CATSPER3: variants seen among roughly 807,000 people sequenced by gnomAD.
The protein encoded by CATSPER3 is cation channel sperm associated 3, also known as cation channel sperm-associated protein 3.
In CATSPER3, 23 loss-of-function variants were observed where a neutral mutation model predicts 36.6. The observed-to-expected ratio is 0.63, with a 90% CI of 0.45 to 0.89. The LOEUF is 0.89. Ranked by LOEUF, CATSPER3 falls within the 40% of genes least tolerant of loss-of-function variation. The pLI is 0.00. For synonymous variants in CATSPER3, 172 were observed against 184.1 expected, an observed-to-expected ratio of 0.93 and a Z score of 0.53; for missense variants, 474 against 503.9, an observed-to-expected ratio of 0.94 and a Z score of 0.57.
In CATSPER3 at chr5:134,967,957, C is replaced by A; in HGVS notation, c.-35C>A. On this transcript the variant is annotated 5_prime_UTR_variant, in exon 1 of 8. Transcript: ENST00000282611. ...CTAAGCAGAGATTTTCTGTTGGATGCTAAAAGCAAGGAATAAAAGTTGAAA... is the reference window on the plus strand; with the variant it reads ...CTAAGCAGAGATTTTCTGTTGGATGATAAAAGCAAGGAATAAAAGTTGAAA... 1 of 1,503,542 alleles carries A rather than the reference C, an allele frequency of 6.7e-7. No homozygotes were observed. 93.1% of individuals were successfully genotyped at this position (1,503,542 alleles called of 1,614,324 possible). A position where few individuals can be genotyped will look rare whatever the true frequency, so the allele number is the denominator to read the frequency against.
At chr5:134,968,170 C>T (rs1340576447) in intron 1 of CATSPER3, 81 bp downstream of exon 1, 1 of 982,470 alleles carries the variant, frequency 1.0e-6, no homozygotes, top group Non-Finnish European at 1.6e-6. Flanking sequence ...TTCTCTCAGC[C>T]TCTTCCCTCA....
At chr5:134,999,077 A>G (rs1016618770) in intron 3 of CATSPER3, among the ~76,000 whole-genome samples, 184 of 152,176 alleles carry the variant, frequency 1.2e-3, no homozygotes, top group Non-Finnish European at 2.2e-3. Flanking sequence ...ATCCATCTTG[A>G]ATTAATTTTT....
chr5:135,007,994 T>A lies in CATSPER3; in HGVS notation c.530T>A (p.Val177Glu). The A allele has an allele frequency of 1.2e-6, 2 of 1,614,174 alleles. No homozygotes were observed. The highest frequency in any genetic ancestry group is 1.7e-6 in the Non-Finnish European group (2 of 1,180,028). The part of the protein sequence containing the change: ...ITAVGQTVYT[V>E]ASVLLLLFLL... ...GCCGTGGGGCAGACAGTCTACACCG[T>A]GGCCTCTGTGCTCCTCCTGCTCTTC... Residue 177 changes from valine (V) to glutamate (E), a missense_variant, in exon 4 of 8, where the codon GTG (valine) becomes GAG (glutamate). Transcript: ENST00000282611.
At position 135,010,511 on chromosome 5, in the gene CATSPER3, C is replaced by T. The variant is rs149182913; in HGVS notation, c.1075C>T (p.Gln359Ter). 98 of 1,614,166 alleles carry T rather than the reference C, an allele frequency of 6.1e-5. No individual in the cohort carries two copies. The African/African-American group carries it at 1.1e-3, about 17-fold the overall frequency. The change falls in exon 7 of 8, where the codon CAG (glutamine) becomes TAG (stop). Residue 359 changes from glutamine (Q) to a stop codon, truncating the protein, a stop_gained. Transcript: ENST00000282611. LOFTEE classifies it low-confidence loss of function (END_TRUNC). ...IDIYFSTLDY[Q>*]DTTVHKLQEL... ...TATCTACTTTTCCACTCTGGACTAC[C>T]AGGACACAACTGTCCACAAGTCAGT...
At chr5:135,003,003 C>T (rs972497012) in intron 3 of CATSPER3, among the ~76,000 whole-genome samples, 18 of 152,184 alleles carry the variant, frequency 1.2e-4, no homozygotes, top group Non-Finnish European at 2.1e-4. Flanking sequence ...TGAGGAGCTG[C>T]GTTCCTTTGG....
rs577385104 is a variant in CATSPER3, at chr5:134,997,312, C to T, written c.492+800C>T. ...GCCTGGGTAGAAAAGAGAAGGGGAACGTTAGAGGTCTCCCCTGCTGCATAC... is the reference window on the plus strand; with the variant it reads ...GCCTGGGTAGAAAAGAGAAGGGGAATGTTAGAGGTCTCCCCTGCTGCATAC... On this transcript the variant is annotated intron_variant, in intron 3 of 7. Transcript: ENST00000282611. 5.9e-5 allele frequency among the ~76,000 whole-genome samples: 9 copies of T among 152,338 alleles called. No individual in the cohort carries two copies. The East Asian group carries it at 7.7e-4, about 13-fold the overall frequency.
chr5:134,969,666 C>A (rs1751577819), intron 1 of CATSPER3: 1 of 467,018 alleles, frequency 2.1e-6, no homozygotes. Flanking sequence ...ATGAAGATGA[C>A]ACTTTGTTTT....
At chr5:134,991,480 A>G (rs1459669350) in intron 2 of CATSPER3, among the ~76,000 whole-genome samples, 2 of 152,242 alleles carry the variant, frequency 1.3e-5, no homozygotes, top group African/African-American at 4.8e-5. Context: ...GAATCTAGAA[A>G]TAAATTCAAA....
intron 7 of CATSPER3, among the ~76,000 whole-genome samples, chr5:135,010,756 A>G (rs928093495): frequency 4.6e-5 from 7 of 152,032 alleles, no homozygotes; most frequent in South Asian, 4.1e-4. Flanking sequence ...CCCCTCCCCA[A>G]CCCACCTTGA....
intron 3 of CATSPER3, among the ~76,000 whole-genome samples, chr5:134,998,197 G>T (rs1580911861): frequency 6.6e-6 from 1 of 152,262 alleles, no homozygotes; most frequent in Non-Finnish European, 1.5e-5. Flanking sequence ...GTGATAGTTT[G>T]CTGAGAATGA....
intron 2 of CATSPER3, among the ~76,000 whole-genome samples, chr5:134,972,350 C>A (rs1751618313): frequency 6.6e-6 from 1 of 152,052 alleles, no homozygotes; most frequent in African/African-American, 2.4e-5. Flanking sequence ...AATGAAAGCC[C>A]ACCACAAAGA....
chr5:134,999,975 C>G (rs1214109271), intron 3 of CATSPER3, among the ~76,000 whole-genome samples: 1 of 152,194 alleles, frequency 6.6e-6, no homozygotes, highest in African/African-American at 2.4e-5. Context: ...GAGGGCATCC[C>G]TGTCTTGTGC....
intron 1 of CATSPER3, 37 bp downstream of exon 1, chr5:134,968,126 G>T (rs1241940009): frequency 7.0e-6 from 10 of 1,433,444 alleles, no homozygotes; most frequent in Non-Finnish European, 9.8e-6. Context: ...GTTAAGAAAT[G>T]TGCTAGTAGA....
chr5:134,987,172 G>A (rs1308419884), intron 2 of CATSPER3, among the ~76,000 whole-genome samples: 2 of 152,134 alleles, frequency 1.3e-5, no homozygotes, highest in African/African-American at 4.8e-5. Flanking sequence ...TGAAATTTGG[G>A]ACATTTCTAC....
At chr5:134,989,451 C>T (rs1751853417) in intron 2 of CATSPER3, among the ~76,000 whole-genome samples, 1 of 152,236 alleles carries the variant, frequency 6.6e-6, no homozygotes, top group South Asian at 2.1e-4. Flanking sequence ...TAGCTACTTT[C>T]ATCAATTCTC....
chr5:134,973,971 G>C (rs553528900), intron 2 of CATSPER3, among the ~76,000 whole-genome samples: 1 of 152,188 alleles, frequency 6.6e-6, no homozygotes, highest in Non-Finnish European at 1.5e-5. Flanking sequence ...CATATAGTAG[G>C]TGAGGGGAAA....
intron 3 of CATSPER3, among the ~76,000 whole-genome samples, chr5:135,001,430 G>A (rs1752018807): frequency 6.6e-6 from 1 of 152,236 alleles, no homozygotes; most frequent in African/African-American, 2.4e-5. Context: ...GATTTTTGGT[G>A]GAGAGTTCTA....
intron 3 of CATSPER3, among the ~76,000 whole-genome samples, chr5:135,002,940 T>C (rs192599797): frequency 6.6e-6 from 1 of 152,300 alleles, no homozygotes; most frequent in African/African-American, 2.4e-5. Flanking sequence ...TCTGAAGCCT[T>C]CTTCTCTCAA....
chr5:135,008,135 C>G lies in CATSPER3; in HGVS notation c.671C>G (p.Ala224Gly), dbSNP rs1274531869. The part of the protein sequence containing the change: ...AAAFFTLFSL[A>G]TVDGWTDLQK... The stretch of plus-strand genomic sequence containing the variant: ...GCTTTTTTCACCCTCTTCAGCTTGG[C>G]CACGGTACTGTGTTTGGGAACAGTG... The change falls in exon 4 of 8, where the codon GCC becomes GGC. Residue 224 changes from alanine to glycine, a missense_variant. Transcript: ENST00000282611. 1.2e-6 allele frequency: 2 copies of G among 1,613,482 alleles called. No individual in the cohort carries two copies. The highest frequency in any genetic ancestry group is 2.7e-5 in the African/African-American group (2 of 74,890).
Sources: allele counts gnomAD v4.1 joint callset (sites outside exome capture counted in the v4.1 genomes callset), GRCh38; gene constraint gnomAD v4.1.1; transcripts MANE v1.5; gene names NCBI Gene and HGNC (gene_info 2026-07-23, HGNC 2026-07-21).